The following SLC35F1 variants were observed in gnomAD, a reference collection of about 807,000 sequenced individuals.
The protein encoded by SLC35F1 is chromosome 6 open reading frame 169.
SLC35F1 carries 14 observed loss-of-function variants against 48.7 expected under a neutral mutation model. That is an observed-to-expected ratio of 0.29 (90% confidence interval 0.19 to 0.45). The LOEUF is 0.45. Ranked by LOEUF, SLC35F1 falls within the 20% of genes least tolerant of loss-of-function variation. The pLI is 1.00. For synonymous variants in SLC35F1, 190 were observed against 202.2 expected, an observed-to-expected ratio of 0.94 and a Z score of 0.51; for missense variants, 404 against 500.0, an observed-to-expected ratio of 0.81 and a Z score of 1.83.
At chr6:118,289,538 A>G (rs1352037283) in intron 7 of SLC35F1, among the ~76,000 whole-genome samples, 1 of 152,202 alleles carries the variant, frequency 6.6e-6, no homozygotes, top group African/African-American at 2.4e-5. Context: ...GAGTGGATGT[A>G]TATTTTTACA....
chr6:118,140,590 T>C (rs111341112), intron 1 of SLC35F1, among the ~76,000 whole-genome samples: 2,903 of 92,988 alleles, frequency 0.031, 94 homozygotes, highest in African/African-American at 0.091. Flanking sequence ...TTAGAGTGTA[T>C]TCCTTATATT....
intron 1 of SLC35F1, among the ~76,000 whole-genome samples, chr6:118,048,429 G>C (rs1485823928): frequency 3.3e-5 from 5 of 152,104 alleles, no homozygotes; most frequent in Admixed American, 3.3e-4. Flanking sequence ...AATTGTCCCT[G>C]TTTGCAGATG....
chr6:117,966,530 C>G (rs9489290), intron 1 of SLC35F1, among the ~76,000 whole-genome samples: 1 of 151,862 alleles, frequency 6.6e-6, no homozygotes, highest in East Asian at 1.9e-4. Context: ...AGCGAGACCA[C>G]GAACCCACCA....
intron 1 of SLC35F1, among the ~76,000 whole-genome samples, chr6:117,994,443 G>T (rs190732362): frequency 6.6e-6 from 1 of 152,150 alleles, no homozygotes; most frequent in East Asian, 1.9e-4. Flanking sequence ...CAGGGATTAG[G>T]ATATGGACAG....
chr6:118,265,372 G>A (rs1399932476), intron 3 of SLC35F1, among the ~76,000 whole-genome samples: 1 of 152,176 alleles, frequency 6.6e-6, no homozygotes, highest in Non-Finnish European at 1.5e-5. Context: ...GTGTTCTGAT[G>A]CCAATAATCC....
At chr6:118,070,225 A>C (rs951684955) in intron 1 of SLC35F1, among the ~76,000 whole-genome samples, 1 of 152,082 alleles carries the variant, frequency 6.6e-6, no homozygotes, top group Admixed American at 6.5e-5. Context: ...AGGCTAAGAG[A>C]ATCTAAGAGT....
In SLC35F1 at chr6:118,071,647, T is replaced by C. The variant is rs569660178; in HGVS notation, c.174-82798T>C. ...AGATAAATTTCCAGGACTCCTTTCA[T>C]GGCTGCAAATCTGTTTATTTCACCC... On this transcript the variant is annotated intron_variant, in intron 1 of 7. Transcript: ENST00000360388. 3.5e-4 allele frequency among the ~76,000 whole-genome samples: 53 copies of C among 152,310 alleles called. 1 individual carries two copies. The South Asian group carries it at 9.3e-3, about 27-fold the overall frequency.
chr6:118,190,481 G>A (rs1774717191), intron 2 of SLC35F1, among the ~76,000 whole-genome samples: 2 of 151,780 alleles, frequency 1.3e-5, no homozygotes, highest in African/African-American at 4.8e-5. Context: ...TCTTACTTAG[G>A]TGAGAGTATG....
chr6:117,912,308 A>G (rs937162948), intron 1 of SLC35F1, among the ~76,000 whole-genome samples: 1 of 152,254 alleles, frequency 6.6e-6, no homozygotes, highest in Non-Finnish European at 1.5e-5. Context: ...GGATATACAT[A>G]GAAGAGTTTG....
chr6:117,923,657 A>ATATGTATATATACATG lies in SLC35F1; in HGVS notation c.173+15759_173+15760insATGTATATATACATGT, dbSNP rs1554216685. ...TATGTACATATGTACATATGTACAT[A>ATATGTATATATACATG]TGTATATATACATATATGTACATAT... is the stretch of plus-strand genomic sequence containing the variant. On this transcript the variant is annotated intron_variant, in intron 1 of 7. Coordinates refer to ENST00000360388, the MANE Select transcript of SLC35F1 (RefSeq NM_001029858.4). Among the ~76,000 whole-genome samples, 5 of 76,202 alleles carry ATATGTATATATACATG rather than the reference A, an allele frequency of 6.6e-5. 1 individual carries two copies. The highest frequency in any genetic ancestry group is 1.9e-4 in the African/African-American group (4 of 20,816). The allele number at this position is 76,202 out of a possible 152,430, so 50.0% of individuals were successfully genotyped here.
intron 6 of SLC35F1, among the ~76,000 whole-genome samples, chr6:118,280,882 A>T (rs72965664): frequency 1.8e-4 from 27 of 151,020 alleles, no homozygotes; most frequent in Non-Finnish European, 1.5e-4. Flanking sequence ...AAAAAAAAAA[A>T]CAATACACCT....
chr6:118,129,967 G>T (rs1421091192), intron 1 of SLC35F1, among the ~76,000 whole-genome samples: 1 of 152,206 alleles, frequency 6.6e-6, no homozygotes, highest in Non-Finnish European at 1.5e-5. Flanking sequence ...TGTGGTCTCA[G>T]ATGTATCAAC....
chr6:118,078,294 C>T (rs770286332), intron 1 of SLC35F1, among the ~76,000 whole-genome samples: 2 of 152,096 alleles, frequency 1.3e-5, no homozygotes, highest in South Asian at 2.1e-4. Flanking sequence ...CCTCATAGAC[C>T]ACTAATAAAA....
chr6:118,145,526 C>A (rs1367701700), intron 1 of SLC35F1, among the ~76,000 whole-genome samples: 1 of 151,892 alleles, frequency 6.6e-6, no homozygotes, highest in African/African-American at 2.4e-5. Flanking sequence ...TTAATCTGAC[C>A]CTTCTTCATC....
At chr6:118,267,997 G>A (rs1231579578) in intron 4 of SLC35F1, among the ~76,000 whole-genome samples, 1 of 152,090 alleles carries the variant, frequency 6.6e-6, no homozygotes, top group Non-Finnish European at 1.5e-5. Context: ...TATAGTTCTT[G>A]GAATTGCCCC....
At chr6:118,080,834 A>G (rs1772897136) in intron 1 of SLC35F1, among the ~76,000 whole-genome samples, 1 of 152,192 alleles carries the variant, frequency 6.6e-6, no homozygotes. Flanking sequence ...TCAGAGAGTA[A>G]GGCAGAAAAA....
intron 1 of SLC35F1, among the ~76,000 whole-genome samples, chr6:118,033,255 T>G (rs1772079305): frequency 1.3e-5 from 2 of 152,172 alleles, no homozygotes; most frequent in Non-Finnish European, 2.9e-5. Flanking sequence ...CTTCCAATAT[T>G]AATACTGCCC....
At position 117,923,692 on chromosome 6, in the gene SLC35F1, TAC is replaced by T. The variant is rs1389490745; in HGVS notation, c.173+15795_173+15796del. The stretch of plus-strand genomic sequence containing the variant: ...ACATATATGTACATATATACATATG[TAC>T]ATATACATATATGTACATATATACA... On this transcript the variant is annotated intron_variant, in intron 1 of 7. Coordinates refer to ENST00000360388, the MANE Select transcript of SLC35F1 (RefSeq NM_001029858.4). Among the ~76,000 whole-genome samples, 17 of 41,192 alleles carry T rather than the reference TAC, an allele frequency of 4.1e-4. 3 individuals carry two copies. The highest frequency in any genetic ancestry group is 1.0e-3 in the Admixed American group (3 of 2,882). 27.0% of individuals were successfully genotyped at this position (41,192 alleles called of 152,430 possible). A position where few individuals can be genotyped will look rare whatever the true frequency, so the allele number is the denominator to read the frequency against.
chr6:117,930,044 T>C (rs549831818), intron 1 of SLC35F1, among the ~76,000 whole-genome samples: 1 of 152,328 alleles, frequency 6.6e-6, no homozygotes, highest in East Asian at 1.9e-4. Context: ...GTCACATAGA[T>C]ACCAAGTGGC....
Sources: gnomAD v4.1 joint callset for allele counts (sites outside exome capture counted in the v4.1 genomes callset) on GRCh38, gnomAD v4.1.1 for gene constraint, MANE v1.5 for transcripts, NCBI Gene and HGNC (gene_info 2026-07-23, HGNC 2026-07-21) for gene names.